Variants in CPLANE1 observed in about 807,000 individuals in gnomAD.
The protein encoded by CPLANE1 is ciliogenesis and planar polarity effector 1.
Under a neutral mutation model 362.5 loss-of-function variants are expected in CPLANE1, and 263 were observed. The observed-to-expected ratio is 0.73, with a 90% CI of 0.66 to 0.80. The LOEUF (loss-of-function observed/expected upper bound fraction) is 0.80, where lower values mean the gene tolerates loss of function less well. CPLANE1 is among the 30% of genes least tolerant of loss of function. The probability of loss-of-function intolerance (pLI) is 0.00; values close to 1 mark genes in which losing one functional copy is unlikely to be tolerated. For missense variants in CPLANE1, 3,461 were observed against 3,793.4 expected (o/e 0.91, Z 2.30); for synonymous variants, 1,212 against 1,302.6 (o/e 0.93, Z 1.50).
chr5:37,120,967 G>A (rs1177936590), intron 49 of CPLANE1, among the ~76,000 whole-genome samples: 3 of 152,144 alleles, frequency 2.0e-5, no homozygotes, highest in African/African-American at 7.2e-5. Context: ...TGTCAAATGT[G>A]TTGATGCTTA....
chr5:37,235,495 A>G (rs573691823), intron 8 of CPLANE1, among the ~76,000 whole-genome samples: 1 of 152,214 alleles, frequency 6.6e-6, no homozygotes, highest in Admixed American at 6.5e-5. Flanking sequence ...CATAATTAGA[A>G]AAAACAATCC....
chr5:37,240,885 C>T (rs949772112), intron 6 of CPLANE1, among the ~76,000 whole-genome samples: 2 of 152,194 alleles, frequency 1.3e-5, no homozygotes, highest in South Asian at 2.1e-4. Flanking sequence ...CGTATTTCTA[C>T]ATAATGCCAA....
At chr5:37,210,630 C>A (rs922185241) in intron 16 of CPLANE1, 11 of 1,598,110 alleles carry the variant, frequency 6.9e-6, no homozygotes, top group Non-Finnish European at 9.4e-6. Context: ...AATAACAAAA[C>A]AAAACCATAT....
intron 51 of CPLANE1, among the ~76,000 whole-genome samples, chr5:37,113,803 A>C (rs1028201347): frequency 1.3e-5 from 2 of 152,064 alleles, no homozygotes; most frequent in African/African-American, 4.8e-5. Context: ...CATATAAACT[A>C]GTGGGGTTTT....
At chr5:37,239,927 G>A in intron 6 of CPLANE1, 58 bp from the exon 7 acceptor site, 1 of 1,222,044 alleles carries the variant, frequency 8.2e-7, no homozygotes, top group East Asian at 2.7e-5. Flanking sequence ...AAATTTATAT[G>A]TAGTTCATTA....
At chr5:37,115,873 G>A (rs1451103054) in intron 50 of CPLANE1, among the ~76,000 whole-genome samples, 3 of 151,706 alleles carry the variant, frequency 2.0e-5, no homozygotes, top group Admixed American at 6.6e-5. Flanking sequence ...GATTACAGGC[G>A]TGAGCCACCA....
the CPLANE1 span, among the ~76,000 whole-genome samples, chr5:37,093,555 T>A: frequency 1.1e-4 from 16 of 152,292 alleles, no homozygotes; most frequent in East Asian, 1.2e-3. Context: ...CAAGATCATC[T>A]CTCCTGGTTA....
intron 46 of CPLANE1, among the ~76,000 whole-genome samples, chr5:37,126,266 T>A (rs1402454234): frequency 6.6e-6 from 1 of 152,026 alleles, no homozygotes; most frequent in Admixed American, 6.6e-5. Context: ...AACACAGAGA[T>A]GACTTCCAAC....
rs559752965 is a variant in CPLANE1, at chr5:37,218,420, G to A, written c.2746+2904C>T. ...TAGGGACATCCTGTGTGACTCTACT[G>A]GGAGAGGATTCATAGAAGCTTATTC... On this transcript the variant is annotated intron_variant, in intron 15 of 52. Coordinates refer to ENST00000651892, the MANE Select transcript of CPLANE1 (RefSeq NM_001384732.1). Among the ~76,000 whole-genome samples, 3 of 152,242 alleles carry A rather than the reference G, an allele frequency of 2.0e-5. No individual in the cohort carries two copies. The South Asian group carries it at 6.2e-4, about 32-fold the overall frequency.
At chr5:37,217,675 A>G (rs1794407333) in intron 15 of CPLANE1, among the ~76,000 whole-genome samples, 1 of 151,326 alleles carries the variant, frequency 6.6e-6, no homozygotes. Context: ...GTGCAGTGCT[A>G]ATGTTAATAA....
At chr5:37,148,060 C>T (rs1772269603) in intron 43 of CPLANE1, 121 bp downstream of exon 43, 5 of 447,708 alleles carry the variant, frequency 1.1e-5, no homozygotes, top group Non-Finnish European at 1.5e-5. Context: ...AACTGGGAAG[C>T]TTATGACTTC....
Position 37,170,191 on chromosome 5 carries a change from A to C in CPLANE1, c.6312T>G (p.Gly2104=). The C allele has an allele frequency of 6.2e-7, 1 of 1,614,076 alleles. No individual in the cohort carries two copies. The change falls in exon 33 of 53, where the codon GGT becomes GGG. Residue 2104 remains glycine (G), a synonymous_variant. Coordinates refer to ENST00000651892, the MANE Select transcript of CPLANE1 (RefSeq NM_001384732.1). ...GATTTTTGTTGCTGTCTTCAACATC[A>C]CCACATCCTCTTAGGTTTGATTCTT... ...ESQESNLRGC[G]DVEDSNKNLK... is the part of the protein sequence containing the mutation.
chr5:37,155,963 C>T (rs1019146022), intron 41 of CPLANE1, among the ~76,000 whole-genome samples: 1 of 152,208 alleles, frequency 6.6e-6, no homozygotes, highest in Admixed American at 6.5e-5. Context: ...CCATCCACCA[C>T]TCATGCATCT....
intron 21 of CPLANE1, among the ~76,000 whole-genome samples, chr5:37,189,505 C>T (rs927776049): frequency 3.3e-5 from 5 of 152,156 alleles, no homozygotes; most frequent in African/African-American, 9.7e-5. Flanking sequence ...TCATATTTCA[C>T]AGGCAAGCTG....
chr5:37,205,648 C>T (rs1417926271), intron 17 of CPLANE1, among the ~76,000 whole-genome samples, 194 bp from the exon 18 acceptor site: 2 of 152,156 alleles, frequency 1.3e-5, no homozygotes, highest in East Asian at 3.8e-4. Flanking sequence ...AATATACTCC[C>T]CCCATTCTTA....
At chr5:37,211,954 A>G (rs1792733738) in intron 16 of CPLANE1, 2 of 844,608 alleles carry the variant, frequency 2.4e-6, no homozygotes, top group East Asian at 2.4e-5. Flanking sequence ...CCCCTCTCAT[A>G]TCAGCACCCA....
chr5:37,086,545 G>A, the CPLANE1 span, among the ~76,000 whole-genome samples: 3 of 152,228 alleles, frequency 2.0e-5, no homozygotes, highest in Non-Finnish European at 2.9e-5. Context: ...GGAATGTAGA[G>A]TAGTTTATCT....
chr5:37,248,673 A>G (rs1740690773), intron 1 of CPLANE1, among the ~76,000 whole-genome samples: 1 of 152,170 alleles, frequency 6.6e-6, no homozygotes, highest in Non-Finnish European at 1.5e-5. Flanking sequence ...TAAATAAATA[A>G]AATTGCAAAT....
intron 15 of CPLANE1, 97 bp from the exon 16 acceptor site, chr5:37,213,829 C>T (rs1032303148): frequency 2.0e-6 from 2 of 977,756 alleles, no homozygotes; most frequent in Non-Finnish European, 2.8e-6. Flanking sequence ...AATTGCAATA[C>T]CTTTTTTTCT....
Sources: gnomAD v4.1 joint callset for allele counts (sites outside exome capture counted in the v4.1 genomes callset) on GRCh38, gnomAD v4.1.1 for gene constraint, MANE v1.5 for transcripts, NCBI Gene and HGNC (gene_info 2026-07-23, HGNC 2026-07-21) for gene names.